The following CLPB variants were observed in gnomAD, a reference collection of about 807,000 sequenced individuals.
CLPB encodes the protein ClpB family mitochondrial disaggregase.
Under a neutral mutation model 78.4 loss-of-function variants are expected in CLPB, and 40 were observed. That is an observed-to-expected ratio of 0.51 (90% CI 0.40 to 0.66). The LOEUF (loss-of-function observed/expected upper bound fraction) is 0.66. Ranked by LOEUF, CLPB falls within the 30% of genes least tolerant of loss-of-function variation. The probability of loss-of-function intolerance (pLI) is 0.00; values close to 1 mark genes in which losing one functional copy is unlikely to be tolerated. For synonymous variants in CLPB, 333 were observed against 348.0 expected (o/e 0.96, Z 0.48); for missense variants, 780 against 886.9 (o/e 0.88, Z 1.53).
At chr11:72,333,347 T>G (rs539923935) in intron 5 of CLPB, among the ~76,000 whole-genome samples, 1 of 152,358 alleles carries the variant, frequency 6.6e-6, no homozygotes, top group South Asian at 2.1e-4. Context: ...CTTTCCATTC[T>G]GTTGGCACTT....
At chr11:72,368,245 A>G (rs986017566) in intron 4 of CLPB, among the ~76,000 whole-genome samples, 6 of 152,224 alleles carry the variant, frequency 3.9e-5, no homozygotes, top group Non-Finnish European at 8.8e-5. Flanking sequence ...AATATACAAC[A>G]GAACAGTAAG....
At chr11:72,307,868 G>A (rs1456478361) in intron 8 of CLPB, among the ~76,000 whole-genome samples, 1 of 152,130 alleles carries the variant, frequency 6.6e-6, no homozygotes, top group East Asian at 1.9e-4. Context: ...ATCCTTTTGG[G>A]GGCCTACATC....
At position 72,288,095 on chromosome 11, in the gene CLPB, T is replaced by C. The variant is rs1280287275; in HGVS notation, c.*5272A>G. 2 of 152,236 alleles carry C rather than the reference T, an allele frequency of 1.3e-5. No homozygotes were observed. Among genetic ancestry groups the C allele is most frequent in the Non-Finnish European group, 2.9e-5 (2 of 68,038 alleles). The allele number at this position is 152,236 out of a possible 1,614,324, so 9.4% of individuals were successfully genotyped here. On this transcript the variant is annotated 3_prime_UTR_variant, in exon 16 of 16. Coordinates refer to ENST00000538039, the MANE Select transcript of CLPB (RefSeq NM_001258392.3). ...CACTATATTGAGGAATTTCCCTAAA[T>C]TTTAAAATCACTACACACCTTTGAG...
intron 1 of CLPB, 47 bp from the exon 2 acceptor site, chr11:72,430,410 C>T: frequency 1.3e-6 from 2 of 1,581,406 alleles, no homozygotes; most frequent in Non-Finnish European, 1.7e-6. Flanking sequence ...AGGACATACC[C>T]ATCTCAGGAC....
In CLPB at chr11:72,358,930, T is replaced by C. The variant is rs777313457; in HGVS notation, c.725A>G (p.Tyr242Cys). 5 of 1,607,878 alleles carry C rather than the reference T, an allele frequency of 3.1e-6. No individual in the cohort carries two copies. Among genetic ancestry groups the C allele is most frequent in the Non-Finnish European group, 2.5e-6 (3 of 1,176,750 alleles). Residue 242 changes from tyrosine to cysteine, a missense_variant, in exon 5 of 16, where the codon TAT becomes TGT. Around this residue, in one of 3 missense-constraint regions of CLPB, gnomAD observed 417 missense variants for 414.7 expected, o/e 1.01. Coordinates refer to ENST00000538039, the MANE Select transcript of CLPB (RefSeq NM_001258392.3). ...GCGGTAGTCATCAGCAAGAACAGCATAGTGCAAGGCCGTGCAGCCCTTGAA... is the reference window on the plus strand; with the variant it reads ...GCGGTAGTCATCAGCAAGAACAGCACAGTGCAAGGCCGTGCAGCCCTTGAA... ...ASFKGCTALH[Y>C]AVLADDYRTV...
intron 5 of CLPB, among the ~76,000 whole-genome samples, chr11:72,333,836 A>G (rs1950271732): frequency 6.6e-6 from 1 of 152,148 alleles, no homozygotes; most frequent in African/African-American, 2.4e-5. Context: ...GGCAGACAGC[A>G]TCCTCCCCTC....
At position 72,301,687 on chromosome 11, in the gene CLPB, C is replaced by A. The variant is rs370019855; in HGVS notation, c.1329+116G>T. ...TACTGGATGAATGAATGTACACATG[C>A]GGGAGCAGGAAGCCGAGGAATGACC... On this transcript the variant is annotated intron_variant, in intron 11 of 15. Coordinates refer to ENST00000538039, the MANE Select transcript of CLPB (RefSeq NM_001258392.3). 9 of 1,138,996 alleles carry A rather than the reference C, an allele frequency of 7.9e-6. No homozygotes were observed. In the African/African-American group the frequency reaches 9.2e-5, roughly 12 times the overall value. The allele number at this position is 1,138,996 out of a possible 1,614,324, so 70.6% of individuals were successfully genotyped here. A position where few individuals can be genotyped will look rare whatever the true frequency, so the allele number is the denominator to read the frequency against.
chr11:72,368,117 T>C (rs1005962195), intron 4 of CLPB, among the ~76,000 whole-genome samples: 1 of 152,202 alleles, frequency 6.6e-6, no homozygotes, highest in Non-Finnish European at 1.5e-5. Context: ...ACACTAACAC[T>C]GTAGAATATG....
chr11:72,317,152 C>G lies in CLPB; in HGVS notation c.942G>C (p.Lys314Asn). Residue 314 changes from lysine (K) to asparagine (N), a missense_variant, in exon 7 of 16, where the codon AAG becomes AAC. Around this residue, in one of 3 missense-constraint regions of CLPB, gnomAD observed 417 missense variants for 414.7 expected, o/e 1.01. Coordinates refer to ENST00000538039, the MANE Select transcript of CLPB (RefSeq NM_001258392.3). The stretch of plus-strand genomic sequence containing the variant: ...CGCTCTCCTGGCCAATGATGTGCTC[C>G]TTTAGTCGCTGCTCCAGGGGGAAGC... The part of the protein sequence containing the change: ...RRRFPLEQRL[K>N]EHIIGQESAI... The G allele has an allele frequency of 6.2e-7, 1 of 1,612,566 alleles. No individual in the cohort carries two copies. Among genetic ancestry groups the G allele is most frequent in the Non-Finnish European group, 8.5e-7 (1 of 1,179,634 alleles).
chr11:72,413,892 A>T (rs1855949981), intron 2 of CLPB, among the ~76,000 whole-genome samples: 2 of 152,344 alleles, frequency 1.3e-5, no homozygotes, highest in Middle Eastern at 3.4e-3. Flanking sequence ...CAGGGCACTC[A>T]GGGTACTGTG....
chr11:72,331,924 A>G (rs1950234391), intron 5 of CLPB, among the ~76,000 whole-genome samples: 1 of 152,060 alleles, frequency 6.6e-6, no homozygotes, highest in Non-Finnish European at 1.5e-5. Context: ...AACAGTAACC[A>G]TTTATTAAGC....
In CLPB at chr11:72,420,931, G is replaced by A. The variant is rs192138207; in HGVS notation, c.455+9381C>T. Among the ~76,000 whole-genome samples, 463 of 152,264 alleles carry A rather than the reference G, an allele frequency of 3.0e-3. 4 individuals carry two copies. The highest frequency in any genetic ancestry group is 9.2e-3 in the African/African-American group (383 of 41,546). On this transcript the variant is annotated intron_variant, in intron 2 of 15. Transcript: ENST00000538039. ...TCCCAGCACTTTGGGAGGCCAAGGCGGGCGGATCACCAGAGGTCGGGAGTT... is the reference window on the plus strand; with the variant it reads ...TCCCAGCACTTTGGGAGGCCAAGGCAGGCGGATCACCAGAGGTCGGGAGTT...
In CLPB at chr11:72,287,721, C is replaced by T. The variant is rs1234663324; in HGVS notation, c.*5646G>A. On this transcript the variant is annotated 3_prime_UTR_variant, in exon 16 of 16. Coordinates refer to ENST00000538039, the MANE Select transcript of CLPB (RefSeq NM_001258392.3). ...TTCCAGTTTCTTCTTGGGTAACCAA[C>T]TGGCCTATTCAAACTATTTCTAGGA... is the stretch of plus-strand genomic sequence containing the variant. The T allele has an allele frequency of 1.3e-5, 2 of 152,222 alleles. No homozygotes were observed. Among genetic ancestry groups the T allele is most frequent in the African/African-American group, 4.8e-5 (2 of 41,462 alleles). 9.4% of individuals were successfully genotyped at this position (152,222 alleles called of 1,614,324 possible). A position where few individuals can be genotyped will look rare whatever the true frequency, so the allele number is the denominator to read the frequency against.
chr11:72,358,349 A>C (rs1950761475), intron 5 of CLPB, among the ~76,000 whole-genome samples: 1 of 152,180 alleles, frequency 6.6e-6, no homozygotes, highest in Non-Finnish European at 1.5e-5. Flanking sequence ...ACAAATAAAA[A>C]CAATTTCAGG....
intron 4 of CLPB, among the ~76,000 whole-genome samples, chr11:72,372,066 G>A (rs980174476): frequency 2.6e-5 from 4 of 152,170 alleles, no homozygotes; most frequent in Non-Finnish European, 5.9e-5. Context: ...TATGGTGTAG[G>A]AAATATTATT....
Position 72,358,959 on chromosome 11 carries a change from G to A in CLPB, c.696C>T (p.Ala232=). ...GCAAGGCCGTGCAGCCCTTGAAACTGGCGCGGTTGTTCAGCCTGTTGTTGA... is the reference window on the plus strand; with the variant it reads ...GCAAGGCCGTGCAGCCCTTGAAACTAGCGCGGTTGTTCAGCCTGTTGTTGA... ...DDFNNRLNNR[A]SFKGCTALHY... is the part of the protein sequence containing the mutation. Residue 232 remains alanine, a synonymous_variant, in exon 5 of 16, where the codon GCC becomes GCT. Transcript: ENST00000538039. 4 of 1,613,392 alleles carry A rather than the reference G, an allele frequency of 2.5e-6. No individual in the cohort carries two copies. The highest frequency in any genetic ancestry group is 1.7e-6 in the Non-Finnish European group (2 of 1,179,930).
intron 5 of CLPB, among the ~76,000 whole-genome samples, chr11:72,343,019 G>A (rs1156712125): frequency 1.3e-5 from 2 of 152,232 alleles, no homozygotes; most frequent in African/African-American, 2.4e-5. Flanking sequence ...CTGACCAGAT[G>A]TTTAAGCTTC....
chr11:72,356,637 A>G (rs1428667986), intron 5 of CLPB, among the ~76,000 whole-genome samples: 1 of 152,168 alleles, frequency 6.6e-6, no homozygotes, highest in Non-Finnish European at 1.5e-5. Flanking sequence ...AGGTGGGAGA[A>G]ATGTAAAGGT....
chr11:72,338,123 C>T (rs1950355006), intron 5 of CLPB, among the ~76,000 whole-genome samples: 1 of 152,124 alleles, frequency 6.6e-6, no homozygotes, highest in African/African-American at 2.4e-5. Flanking sequence ...GAGCAGAACT[C>T]AGAGTAGTGA....
Sources: allele counts gnomAD v4.1 joint callset (sites outside exome capture counted in the v4.1 genomes callset), GRCh38; gene constraint gnomAD v4.1.1; regional missense constraint gnomAD v4.1.1; transcripts MANE v1.5; gene names NCBI Gene and HGNC (gene_info 2026-07-23, HGNC 2026-07-21).